MPIG6B: variants seen among roughly 807,000 people sequenced by gnomAD.
The protein encoded by MPIG6B is immunoglobulin receptor.
Under a neutral mutation model 24.2 loss-of-function variants are expected in MPIG6B, and 22 were observed. The ratio of observed to expected loss-of-function variants is 0.91; its 90% CI spans 0.65 to 1.30. The LOEUF (loss-of-function observed/expected upper bound fraction) is 1.30, where lower values mean the gene tolerates loss of function less well. Among genes scored for constraint, MPIG6B ranks in the 50% most tolerant of loss-of-function variants. MPIG6B has a pLI of 0.00. For synonymous variants in MPIG6B, 136 were observed against 142.0 expected (o/e 0.96, Z 0.30); for missense variants, 301 against 318.5 (o/e 0.94, Z 0.42).
chr6:31,723,779 T>TCGAG lies in MPIG6B; in HGVS notation c.205_208dup (p.Gly70GlufsTer111). The TCGAG allele has an allele frequency of 6.2e-7, 1 of 1,613,914 alleles. No homozygotes were observed. Among genetic ancestry groups the TCGAG allele is most frequent in the Non-Finnish European group, 8.5e-7 (1 of 1,179,978 alleles). On this transcript the variant is annotated frameshift_variant, in exon 2 of 6. Coordinates refer to ENST00000649779, the MANE Select transcript of MPIG6B (RefSeq NM_138272.3). LOFTEE classifies it high-confidence loss of function. This position sits in a 1 kb window ranked among gnomAD's most constrained non-coding sequence, Gnocchi z 4.3. ...ACGCCGACCGATCCTGTGGGCCTCT[T>TCGAG]CGAGCGGGACCCCCACCGTGCCTCC...
chr6:31,721,612 G>A, upstream of MPIG6B: 3 of 1,613,144 alleles, frequency 1.9e-6, no homozygotes, highest in Non-Finnish European at 2.5e-6. Context: ...GGTCTTTGGG[G>A]CCCCCAGGTG....
chr6:31,722,623 G>A (rs1197948090), upstream of MPIG6B, among the ~76,000 whole-genome samples: 8 of 152,074 alleles, frequency 5.3e-5, no homozygotes, highest in Admixed American at 3.9e-4. Context: ...TTGGGAGGCC[G>A]AGGTGGGTGG....
rs773923308 is a variant in MPIG6B, at chr6:31,723,606, C to G, written c.62-33C>G. ...ATGGAGGGTCGTCTTGCCCTGTGGA[C>G]GTGCCCTAACCACAGCCTCCGGCCT... On this transcript the variant is annotated intron_variant, in intron 1 of 5. Coordinates refer to ENST00000649779, the MANE Select transcript of MPIG6B (RefSeq NM_138272.3). The surrounding 1 kb of genome is among the most constrained non-coding windows in gnomAD (Gnocchi z 4.3). The G allele has an allele frequency of 6.6e-7, 1 of 1,505,974 alleles. No homozygotes were observed. The highest frequency in any genetic ancestry group is 9.0e-7 in the Non-Finnish European group (1 of 1,115,586). 93.3% of individuals were successfully genotyped at this position (1,505,974 alleles called of 1,614,324 possible). A position where few individuals can be genotyped will look rare whatever the true frequency, so the allele number is the denominator to read the frequency against.
intron 2 of MPIG6B, 49 bp from the exon 3 acceptor site, chr6:31,724,093 C>T (rs777912728): frequency 2.5e-6 from 4 of 1,582,128 alleles, no homozygotes; most frequent in Admixed American, 1.7e-5. Flanking sequence ...GGCTGTCCCT[C>T]GTCAAACCCC....
chr6:31,724,557 G>C (rs368537174), intron 3 of MPIG6B, 30 bp from the exon 4 acceptor site: 33 of 1,600,470 alleles, frequency 2.1e-5, no homozygotes, highest in Non-Finnish European at 2.7e-5. Context: ...CAAGACTGGT[G>C]GTTCTCAAAG....
At chr6:31,722,902 T>C (rs1806908342), upstream of MPIG6B, 1 of 159,314 alleles carries the variant, frequency 6.3e-6, no homozygotes, top group Non-Finnish European at 1.4e-5. Context: ...AGCACTTACA[T>C]AGTGATCCTA....
In MPIG6B at chr6:31,723,781, G is replaced by A. The variant is rs778577542; in HGVS notation, c.204G>A (p.Ser68=). ...GCCGACCGATCCTGTGGGCCTCTTC[G>A]AGCGGGACCCCCACCGTGCCTCCCC... ...KGRRPILWAS[S]SGTPTVPPLQ... Residue 68 remains serine, a synonymous_variant, in exon 2 of 6, where the codon TCG becomes TCA. Coordinates refer to ENST00000649779, the MANE Select transcript of MPIG6B (RefSeq NM_138272.3). The surrounding 1 kb of genome is among the most constrained non-coding windows in gnomAD (Gnocchi z 4.3). The A allele has an allele frequency of 4.3e-6, 7 of 1,613,916 alleles. No homozygotes were observed. The highest frequency in any genetic ancestry group is 5.9e-6 in the Non-Finnish European group (7 of 1,179,978).
upstream of MPIG6B, chr6:31,721,639 C>T: frequency 6.2e-7 from 1 of 1,613,782 alleles, no homozygotes; most frequent in Non-Finnish European, 8.5e-7. Context: ...TGAGACCCAG[C>T]AGAGCAGAAC....
rs372713711 is a variant in MPIG6B, at chr6:31,723,715, G to A, written c.138G>A (p.Trp46Ter). The A allele has an allele frequency of 1.2e-6, 2 of 1,612,540 alleles. No individual in the cohort carries two copies. The highest frequency in any genetic ancestry group is 1.7e-6 in the Non-Finnish European group (2 of 1,179,762). The change falls in exon 2 of 6, where the codon TGG becomes TGA. Residue 46 changes from tryptophan (W) to a stop codon, truncating the protein, a stop_gained. Coordinates refer to ENST00000649779, the MANE Select transcript of MPIG6B (RefSeq NM_138272.3). LOFTEE classifies it high-confidence loss of function. This position sits in a 1 kb window ranked among gnomAD's most constrained non-coding sequence, Gnocchi z 4.3. Reference protein sequence around the residue: ...GGVSHPIRWVWAPSFPACKGL... With the variant: ...GGVSHPIRWV ...TCTCTCATCCCATCCGCTGGGTCTG[G>A]GCACCCAGCTTCCCGGCCTGCAAGG... is the stretch of plus-strand genomic sequence containing the variant.
chr6:31,723,599 C>A lies in MPIG6B; in HGVS notation c.62-40C>A. ...AGACGGGATGGAGGGTCGTCTTGCC[C>A]TGTGGACGTGCCCTAACCACAGCCT... On this transcript the variant is annotated intron_variant, in intron 1 of 5. Transcript: ENST00000649779. The surrounding 1 kb of genome is among the most constrained non-coding windows in gnomAD (Gnocchi z 4.3). 1 of 1,500,166 alleles carries A rather than the reference C, an allele frequency of 6.7e-7. No homozygotes were observed. Among genetic ancestry groups the A allele is most frequent in the Non-Finnish European group, 9.0e-7 (1 of 1,110,380 alleles). The allele number at this position is 1,500,166 out of a possible 1,614,324, so 92.9% of individuals were successfully genotyped here.
At position 31,725,036 on chromosome 6, in the gene MPIG6B, C is replaced by G; in HGVS notation, c.688C>G (p.Pro230Ala). 6.2e-7 allele frequency: 1 copy of G among 1,613,790 alleles called. No individual in the cohort carries two copies. Among genetic ancestry groups the G allele is most frequent in the Non-Finnish European group, 8.5e-7 (1 of 1,179,974 alleles). ...SRPRRLSTAD[P>A]ADASTIYAVV... Reference sequence around the variant, plus strand: ...GCCCCGCCGGCTGTCCACAGCGGACCCTGCTGATGCCTCCACCATCTATGC... The same window carrying G: ...GCCCCGCCGGCTGTCCACAGCGGACGCTGCTGATGCCTCCACCATCTATGC... The change falls in exon 6 of 6, where the codon CCT (proline) becomes GCT (alanine). Residue 230 changes from proline to alanine, a missense_variant. Physicochemically the swap from Pro to Ala is conservative, Grantham distance 27. Transcript: ENST00000649779. The surrounding 1 kb of genome is among the most constrained non-coding windows in gnomAD (Gnocchi z 5.2).
Position 31,723,870 on chromosome 6 carries a change from T to C in MPIG6B, c.293T>C (p.Leu98Ser). The change falls in exon 2 of 6, where the codon TTG becomes TCG. Residue 98 changes from leucine (L) to serine (S), a missense_variant. Coordinates refer to ENST00000649779, the MANE Select transcript of MPIG6B (RefSeq NM_138272.3). The surrounding 1 kb of genome is among the most constrained non-coding windows in gnomAD (Gnocchi z 4.3). ...GGTATCCGGCGGCTGGAGCTCCTCT[T>C]GAGCGCGGGGGACTCGGGCACTTTT... ...DSGIRRLELLLSAGDSGTFFC... is the reference protein window; with the variant it reads ...DSGIRRLELLSSAGDSGTFFC... 6.2e-7 allele frequency: 1 copy of C among 1,611,526 alleles called. No individual in the cohort carries two copies.
chr6:31,725,137 C>G lies in MPIG6B; in HGVS notation c.*63C>G. 1 of 1,233,236 alleles carries G rather than the reference C, an allele frequency of 8.1e-7. No homozygotes were observed. Among genetic ancestry groups the G allele is most frequent in the Non-Finnish European group, 1.2e-6 (1 of 842,634 alleles). The allele number at this position is 1,233,236 out of a possible 1,614,324, so 76.4% of individuals were successfully genotyped here. Reference sequence around the variant, plus strand: ...TCCCAGCTCCCCATAATCCCTCTCCCCTCCTTGGTTCCTCACCTGGAAGAG... The same window carrying G: ...TCCCAGCTCCCCATAATCCCTCTCCGCTCCTTGGTTCCTCACCTGGAAGAG... On this transcript the variant is annotated 3_prime_UTR_variant, in exon 6 of 6. Transcript: ENST00000649779. The surrounding 1 kb of genome is among the most constrained non-coding windows in gnomAD (Gnocchi z 5.2).
At chr6:31,721,283 C>G (rs1806765969), upstream of MPIG6B, among the ~76,000 whole-genome samples, 2 of 152,108 alleles carry the variant, frequency 1.3e-5, no homozygotes, top group Admixed American at 1.3e-4. Flanking sequence ...GTAAGCTAGA[C>G]TCTGGAGAGT....
chr6:31,723,626 C>T lies in MPIG6B; in HGVS notation c.62-13C>T, dbSNP rs765539354. 2.6e-6 allele frequency: 4 copies of T among 1,545,656 alleles called. No individual in the cohort carries two copies. Among genetic ancestry groups the T allele is most frequent in the Non-Finnish European group, 3.5e-6 (4 of 1,148,094 alleles). ...GTGGACGTGCCCTAACCACAGCCTC[C>T]GGCCTCTCCTAGCTTCTCTGGACGG... On this transcript the variant is annotated splice_polypyrimidine_tract_variant and intron_variant, in intron 1 of 5. Transcript: ENST00000649779. The surrounding 1 kb of genome is among the most constrained non-coding windows in gnomAD (Gnocchi z 4.3).
rs1807048390 is a variant in MPIG6B at position 31,723,821 on chromosome 6, G to A, written c.244G>A (p.Gly82Ser). ...PTVPPLQPFV[G>S]RLRSLDSGIR... ...CGTGCCTCCCCTCCAGCCTTTCGTC[G>A]GCCGCCTACGCTCCCTGGACTCTGG... The change falls in exon 2 of 6, where the codon GGC becomes AGC. Residue 82 changes from glycine to serine, a missense_variant. Transcript: ENST00000649779. This position sits in a 1 kb window ranked among gnomAD's most constrained non-coding sequence, Gnocchi z 4.3. 1 of 1,613,380 alleles carries A rather than the reference G, an allele frequency of 6.2e-7. No homozygotes were observed.
In MPIG6B at chr6:31,724,036, G is replaced by A. The variant is rs748500146; in HGVS notation, c.409+50G>A. ...GGGTACTTAACTCCGACACATACCC[G>A]GAGGAGGGAAGAGGGCCTTGGCTGG... On this transcript the variant is annotated intron_variant, in intron 2 of 5. Coordinates refer to ENST00000649779, the MANE Select transcript of MPIG6B (RefSeq NM_138272.3). 7.7e-6 allele frequency: 12 copies of A among 1,565,574 alleles called. No homozygotes were observed. In the South Asian group the frequency reaches 8.3e-5, roughly 11 times the overall value.
chr6:31,724,399 G>A, intron 3 of MPIG6B, 167 bp downstream of exon 3: 1 of 745,594 alleles, frequency 1.3e-6, no homozygotes, highest in South Asian at 1.6e-5. Context: ...GGTGAGTAGA[G>A]CCCCACCAGA....
chr6:31,721,821 T>C, upstream of MPIG6B: 1 of 783,002 alleles, frequency 1.3e-6, no homozygotes, highest in Non-Finnish European at 2.1e-6. Flanking sequence ...GCCCCTCCCT[T>C]CTCACTTACT....
Sources: allele counts gnomAD v4.1 joint callset (sites outside exome capture counted in the v4.1 genomes callset), GRCh38; gene constraint gnomAD v4.1.1; non-coding constraint Gnocchi (gnomAD v3.1); transcripts MANE v1.5; gene names NCBI Gene and HGNC (gene_info 2026-07-23, HGNC 2026-07-21).